Variants in SPTBN4 observed in about 807,000 individuals in gnomAD.
The protein encoded by SPTBN4 is spectrin beta chain, non-erythrocytic 4.
Under a neutral mutation model 277.8 loss-of-function variants are expected in SPTBN4, and 96 were observed. The observed-to-expected ratio is 0.35, with a 90% CI of 0.29 to 0.41. SPTBN4 has a LOEUF of 0.41. Ranked by LOEUF, SPTBN4 falls within the 10% of genes least tolerant of loss-of-function variation. The pLI is 1.00. For synonymous variants in SPTBN4, 1,481 were observed against 1,580.3 expected (o/e 0.94, Z 1.49); for missense variants, 3,006 against 3,595.7 (o/e 0.84, Z 4.19).
intron 1 of SPTBN4, among the ~76,000 whole-genome samples, chr19:40,471,081 C>G (rs566681704): frequency 1.3e-5 from 2 of 151,742 alleles, no homozygotes; most frequent in South Asian, 4.2e-4. Context: ...TCCTGAATAC[C>G]TGGGATTACA....
intron 13 of SPTBN4, among the ~76,000 whole-genome samples, chr19:40,507,255 C>G (rs922011293): frequency 6.6e-5 from 10 of 151,886 alleles, no homozygotes; most frequent in African/African-American, 2.2e-4. Context: ...GTCGAGGCTG[C>G]AGTAAGCCAA....
chr19:40,536,504 G>A (rs1474708856), intron 20 of SPTBN4, among the ~76,000 whole-genome samples: 1 of 152,140 alleles, frequency 6.6e-6, no homozygotes, highest in Non-Finnish European at 1.5e-5. Flanking sequence ...GTGAGCCACT[G>A]TGCCCGGCCA....
intron 25 of SPTBN4, 27 bp downstream of exon 25, chr19:40,556,315 C>A (rs760799003): frequency 1.9e-6 from 3 of 1,583,606 alleles, no homozygotes; most frequent in African/African-American, 1.3e-5. Flanking sequence ...ATAAGTGATA[C>A]CAGGAGCTAC....
Position 40,565,581 on chromosome 19 carries a change from T to A in SPTBN4, c.6054+20T>A, listed in dbSNP as rs1250222465. 2 of 1,607,750 alleles carry A rather than the reference T, an allele frequency of 1.2e-6. No individual in the cohort carries two copies. Among genetic ancestry groups the A allele is most frequent in the East Asian group, 4.5e-5 (2 of 44,564 alleles). ...GATGAGGTGGGGAGCAGGGAGGGGG[T>A]CCCCCTCTGCCACCCGGGCACATTG... On this transcript the variant is annotated intron_variant, in intron 28 of 35. Coordinates refer to ENST00000598249, the MANE Select transcript of SPTBN4 (RefSeq NM_020971.3).
At chr19:40,538,849 CA>C (rs1432466194) in intron 20 of SPTBN4, among the ~76,000 whole-genome samples, 3 of 152,166 alleles carry the variant, frequency 2.0e-5, no homozygotes, top group African/African-American at 7.2e-5. Context: ...GTTAGTCTCC[CA>C]AAGTGCTGGG....
chr19:40,567,552 A>G, intron 30 of SPTBN4, 111 bp from the exon 31 acceptor site: 1 of 1,113,448 alleles, frequency 9.0e-7, no homozygotes. Flanking sequence ...TTTTCAAGGA[A>G]CTGGTCAATT....
Position 40,487,565 on chromosome 19 carries a change from C to T in SPTBN4, c.170-132C>T, listed in dbSNP as rs528957591. ...TTCACCATGTTGGCCAGGCTGGTCT[C>T]GAACTCCTACCTCAGGTGATCCGCC... is the stretch of plus-strand genomic sequence containing the variant. On this transcript the variant is annotated intron_variant, in intron 2 of 35. Coordinates refer to ENST00000598249, the MANE Select transcript of SPTBN4 (RefSeq NM_020971.3). 104 of 1,192,110 alleles carry T rather than the reference C, an allele frequency of 8.7e-5. No individual in the cohort carries two copies. In the South Asian group the frequency reaches 1.4e-3, roughly 16 times the overall value. 73.8% of individuals were successfully genotyped at this position (1,192,110 alleles called of 1,614,324 possible).
intron 22 of SPTBN4, among the ~76,000 whole-genome samples, chr19:40,552,479 A>T (rs528065558): frequency 1.7e-4 from 23 of 137,680 alleles, no homozygotes; most frequent in Non-Finnish European, 3.1e-4. Context: ...AAAAAAGATT[A>T]AAAAAAAAAA....
Position 40,572,205 on chromosome 19 carries a change from A to G in SPTBN4, c.7493+13A>G, listed in dbSNP as rs117008387. On this transcript the variant is annotated intron_variant, in intron 34 of 35. Transcript: ENST00000598249. ...TCTTCAAGCTCCAGTGAGCCCCCCA[A>G]TGGGCAGGAGGGAGGGATCCAAGGC... 1.4e-3 allele frequency: 2,286 copies of G among 1,594,286 alleles called. 21 individuals are homozygous for G. In the East Asian group the frequency reaches 0.019, roughly 13 times the overall value.
chr19:40,491,715 A>C (rs924933195), intron 4 of SPTBN4, among the ~76,000 whole-genome samples: 1 of 128,610 alleles, frequency 7.8e-6, no homozygotes, highest in Admixed American at 7.5e-5. Flanking sequence ...CTCTGTCTCA[A>C]AAAAAAAAAA....
chr19:40,506,514 C>T, intron 13 of SPTBN4, 128 bp downstream of exon 13: 1 of 1,351,332 alleles, frequency 7.4e-7, no homozygotes, highest in Non-Finnish European at 9.8e-7. Context: ...TAAGCAGAGC[C>T]TAAGATTACA....
chr19:40,532,391 C>G (rs1284737089), intron 18 of SPTBN4, among the ~76,000 whole-genome samples: 3 of 151,916 alleles, frequency 2.0e-5, no homozygotes, highest in Non-Finnish European at 4.4e-5. Context: ...GACAGGGGAG[C>G]AAAGGATTGG....
At chr19:40,520,761 G>A (rs2080517496) in intron 16 of SPTBN4, among the ~76,000 whole-genome samples, 1 of 152,166 alleles carries the variant, frequency 6.6e-6, no homozygotes, top group Non-Finnish European at 1.5e-5. Context: ...CCAGTTGGGA[G>A]ATCACTCTGG....
At chr19:40,481,864 C>T (rs1402097294) in intron 2 of SPTBN4, among the ~76,000 whole-genome samples, 2 of 151,826 alleles carry the variant, frequency 1.3e-5, no homozygotes, top group African/African-American at 2.4e-5. Context: ...CTAAGAACAA[C>T]GAAGAAGGTG....
chr19:40,564,003 C>T (rs545374550), intron 27 of SPTBN4, among the ~76,000 whole-genome samples: 11 of 151,138 alleles, frequency 7.3e-5, no homozygotes, highest in African/African-American at 2.2e-4. Context: ...GCCAAGATCA[C>T]GCCATTGCAC....
At chr19:40,497,428 C>T in intron 6 of SPTBN4, 61 bp from the exon 7 acceptor site, 1 of 1,321,228 alleles carries the variant, frequency 7.6e-7, no homozygotes, top group East Asian at 2.3e-5. Flanking sequence ...TGGCTTCTTC[C>T]CTGCTTGCCC....
chr19:40,517,390 G>A (rs765418840), intron 15 of SPTBN4, among the ~76,000 whole-genome samples: 8 of 151,464 alleles, frequency 5.3e-5, no homozygotes, highest in Admixed American at 1.3e-4. Flanking sequence ...CCCCCGACCC[G>A]AGCTCAAGAA....
intron 20 of SPTBN4, among the ~76,000 whole-genome samples, chr19:40,543,829 G>A (rs530349715): frequency 6.6e-6 from 1 of 152,154 alleles, no homozygotes; most frequent in Admixed American, 6.5e-5. Context: ...CTCTTTCTGT[G>A]CATTTACAAG....
chr19:40,519,485 G>T lies in SPTBN4; in HGVS notation c.2988G>T (p.Val996=), dbSNP rs1363814535. The T allele has an allele frequency of 1.2e-6, 2 of 1,608,464 alleles. No homozygotes were observed. The highest frequency in any genetic ancestry group is 1.7e-6 in the Non-Finnish European group (2 of 1,178,352). The change falls in exon 16 of 36, where the codon GTG becomes GTT. Residue 996 remains valine (V), a synonymous_variant. Coordinates refer to ENST00000598249, the MANE Select transcript of SPTBN4 (RefSeq NM_020971.3). This position sits in a 1 kb window ranked among gnomAD's most constrained non-coding sequence, Gnocchi z 5.7. ...TGGTGGAGAACCACGTGCTGGAGGTGGCCGAGGTGCGCGCCCAGGTGCGTG... is the reference window on the plus strand; with the variant it reads ...TGGTGGAGAACCACGTGCTGGAGGTTGCCGAGGTGCGCGCCCAGGTGCGTG... The part of the protein sequence containing the change: ...VLLVENHVLE[V]AEVRAQVREK...
Sources: gnomAD v4.1 joint callset for allele counts (sites outside exome capture counted in the v4.1 genomes callset) on GRCh38, gnomAD v4.1.1 for gene constraint, Gnocchi (gnomAD v3.1) non-coding constraint, MANE v1.5 for transcripts, NCBI Gene and HGNC (gene_info 2026-07-23, HGNC 2026-07-21) for gene names.